The following KIAA0232 variants were observed in gnomAD, a reference collection of about 807,000 sequenced individuals.
The protein encoded by KIAA0232 is uncharacterized protein KIAA0232.
In KIAA0232, 27 loss-of-function variants were observed where a neutral mutation model predicts 122.0. That is an observed-to-expected ratio of 0.22 (90% CI 0.16 to 0.31). The LOEUF (loss-of-function observed/expected upper bound fraction) is 0.31, where lower values mean the gene tolerates loss of function less well. KIAA0232 is among the 10% of genes least tolerant of loss of function. The pLI, the probability that KIAA0232 is intolerant of heterozygous loss-of-function variation, is 1.00. For missense variants in KIAA0232, 1,551 were observed against 1,634.2 expected (o/e 0.95, Z 0.88); for synonymous variants, 613 against 587.6 (o/e 1.04, Z -0.63).
chr4:6,859,909 G>T (rs1720766279), intron 6 of KIAA0232, among the ~76,000 whole-genome samples: 1 of 152,126 alleles, frequency 6.6e-6, no homozygotes, highest in Non-Finnish European at 1.5e-5. Context: ...AGCCTCCCTG[G>T]CTTTTTCTAC....
intron 1 of KIAA0232, among the ~76,000 whole-genome samples, chr4:6,797,176 A>T (rs1717166916): frequency 6.6e-6 from 1 of 152,192 alleles, no homozygotes; most frequent in South Asian, 2.1e-4. Context: ...TTCCAAAGCC[A>T]TGAGATAGAA....
intron 2 of KIAA0232, among the ~76,000 whole-genome samples, chr4:6,805,589 G>A (rs1717578834): frequency 6.6e-6 from 1 of 152,096 alleles, no homozygotes; most frequent in Admixed American, 6.5e-5. Flanking sequence ...TTGAAACTCA[G>A]AAGATATTTG....
intron 2 of KIAA0232, among the ~76,000 whole-genome samples, chr4:6,814,105 GCTCT>G (rs1718004085): frequency 6.6e-6 from 1 of 152,122 alleles, no homozygotes; most frequent in African/African-American, 2.4e-5. Flanking sequence ...TATGTGCTGA[GCTCT>G]CTCTCTGGAC....
At chr4:6,807,622 T>TGTA (rs1236294376) in intron 2 of KIAA0232, among the ~76,000 whole-genome samples, 1 of 152,252 alleles carries the variant, frequency 6.6e-6, no homozygotes, top group East Asian at 1.9e-4. Context: ...ACATAGTTTA[T>TGTA]AGCCCTTGGT....
At chr4:6,832,597 C>T (rs1464020658) in intron 3 of KIAA0232, among the ~76,000 whole-genome samples, 1 of 152,076 alleles carries the variant, frequency 6.6e-6, no homozygotes, top group Non-Finnish European at 1.5e-5. Context: ...GATCTGCCTG[C>T]CTTGGCCTCC....
chr4:6,862,363 C>T lies in KIAA0232; in HGVS notation c.1981C>T (p.Pro661Ser). The change falls in exon 7 of 10, where the codon CCA becomes TCA. Residue 661 changes from proline to serine, a missense_variant. Transcript: ENST00000307659. ...AGTGCAATGCAGTAATTCTGTTTTA[C>T]CATTTTCTTTTGAAACACTCAACTT... is the stretch of plus-strand genomic sequence containing the variant. ...FEVQCSNSVL[P>S]FSFETLNLGN... 6.2e-7 allele frequency: 1 copy of T among 1,614,096 alleles called. No homozygotes were observed. The highest frequency in any genetic ancestry group is 8.5e-7 in the Non-Finnish European group (1 of 1,180,022).
At chr4:6,819,923 A>C (rs1234206475) in intron 2 of KIAA0232, among the ~76,000 whole-genome samples, 5 of 152,236 alleles carry the variant, frequency 3.3e-5, no homozygotes, top group African/African-American at 1.2e-4. Context: ...GCCATTAAAA[A>C]AAGAATGAAA....
chr4:6,809,448 A>G (rs1577363495), intron 2 of KIAA0232, among the ~76,000 whole-genome samples: 1 of 152,302 alleles, frequency 6.6e-6, no homozygotes, highest in Middle Eastern at 3.4e-3. Flanking sequence ...AGCAGGGTTC[A>G]AGATAATGGC....
At chr4:6,853,040 T>G (rs187596848) in intron 4 of KIAA0232, among the ~76,000 whole-genome samples, 2 of 152,154 alleles carry the variant, frequency 1.3e-5, no homozygotes, top group Non-Finnish European at 2.9e-5. Context: ...GTAGACAGCT[T>G]CTGGACTTTG....
At position 6,857,234 on chromosome 4, in the gene KIAA0232, A is replaced by G; in HGVS notation, c.436+4A>G. 2.5e-6 allele frequency: 4 copies of G among 1,611,722 alleles called. No individual in the cohort carries two copies. The South Asian group carries it at 4.4e-5, about 18-fold the overall frequency. On this transcript the variant is annotated splice_donor_region_variant and intron_variant, in intron 5 of 9. Coordinates refer to ENST00000307659, the MANE Select transcript of KIAA0232 (RefSeq NM_014743.3). ...AAAGACCTTCAGAGTAAGCAAGGTGAGGTCAAAAGCACTGTGCGCACACAT... is the reference window on the plus strand; with the variant it reads ...AAAGACCTTCAGAGTAAGCAAGGTGGGGTCAAAAGCACTGTGCGCACACAT...
intron 4 of KIAA0232, 67 bp downstream of exon 4, chr4:6,842,271 T>C: frequency 1.3e-6 from 2 of 1,487,520 alleles, no homozygotes; most frequent in Non-Finnish European, 1.8e-6. Flanking sequence ...TTTACAAATA[T>C]GACAACTTGA....
At position 6,862,325 on chromosome 4, in the gene KIAA0232, T is replaced by C. The variant is rs1261725964; in HGVS notation, c.1943T>C (p.Phe648Ser). ...GAAGGATCTGGTATAAACTCTTGTT[T>C]TTCAGTGTTTGAAGTGCAATGCAGT... ...INEGSGINSC[F>S]SVFEVQCSNS... The change falls in exon 7 of 10, where the codon TTT (phenylalanine) becomes TCT (serine). Residue 648 changes from phenylalanine to serine, a missense_variant. By Grantham distance (155) the Phe-to-Ser change is radical. Coordinates refer to ENST00000307659, the MANE Select transcript of KIAA0232 (RefSeq NM_014743.3). The C allele has an allele frequency of 3.1e-6, 5 of 1,614,062 alleles. No individual in the cohort carries two copies. The highest frequency in any genetic ancestry group is 4.2e-6 in the Non-Finnish European group (5 of 1,180,042).
chr4:6,858,350 G>A lies in KIAA0232; in HGVS notation c.437-75G>A, dbSNP rs1720670633. 3.6e-6 allele frequency: 3 copies of A among 838,946 alleles called. No individual in the cohort carries two copies. The Admixed American group carries it at 9.4e-5, about 26-fold the overall frequency. 52.0% of individuals were successfully genotyped at this position (838,946 alleles called of 1,614,324 possible). A position where few individuals can be genotyped will look rare whatever the true frequency, so the allele number is the denominator to read the frequency against. ...TCTCTATTTCTTGTTAAAATTAGTT[G>A]AGAAACTTTGAAATACATTAGCATT... On this transcript the variant is annotated intron_variant, in intron 5 of 9. Coordinates refer to ENST00000307659, the MANE Select transcript of KIAA0232 (RefSeq NM_014743.3).
intron 4 of KIAA0232, among the ~76,000 whole-genome samples, chr4:6,848,968 G>A (rs1347325160): frequency 1.3e-5 from 2 of 152,198 alleles, no homozygotes; most frequent in African/African-American, 4.8e-5. Context: ...CAGTGGAGCT[G>A]GAGCATTTGA....
At chr4:6,833,136 A>T (rs570452017) in intron 3 of KIAA0232, among the ~76,000 whole-genome samples, 1 of 152,198 alleles carries the variant, frequency 6.6e-6, no homozygotes, top group Non-Finnish European at 1.5e-5. Context: ...GTTACAGTTT[A>T]TTAGAATCTT....
chr4:6,834,730 C>T (rs1223800787), intron 3 of KIAA0232, among the ~76,000 whole-genome samples: 1 of 151,832 alleles, frequency 6.6e-6, no homozygotes, highest in Non-Finnish European at 1.5e-5. Flanking sequence ...ACATGATGAC[C>T]AGGTTAAAAA....
intron 2 of KIAA0232, among the ~76,000 whole-genome samples, chr4:6,819,331 A>C (rs746705616): frequency 5.6e-4 from 85 of 152,176 alleles, no homozygotes; most frequent in Non-Finnish European, 1.0e-3. Flanking sequence ...CACCTACAGA[A>C]TAGGAGAAAA....
intron 3 of KIAA0232, among the ~76,000 whole-genome samples, chr4:6,841,224 A>G (rs956380046): frequency 6.6e-6 from 1 of 152,234 alleles, no homozygotes; most frequent in Admixed American, 6.5e-5. Context: ...CCATCCCCAC[A>G]CAAATTTATC....
At chr4:6,835,793 T>C (rs962182617) in intron 3 of KIAA0232, among the ~76,000 whole-genome samples, 1 of 152,250 alleles carries the variant, frequency 6.6e-6, no homozygotes, top group Non-Finnish European at 1.5e-5. Context: ...GCAAAGGACA[T>C]GAACTCATCC....
Sources: gnomAD v4.1 joint callset for allele counts (sites outside exome capture counted in the v4.1 genomes callset) on GRCh38, gnomAD v4.1.1 for gene constraint, MANE v1.5 for transcripts, NCBI Gene and HGNC (gene_info 2026-07-23, HGNC 2026-07-21) for gene names.